TRIM24: variants seen among roughly 807,000 people sequenced by gnomAD.
The protein encoded by TRIM24 is tripartite motif containing 24, also known as transcription intermediary factor 1-alpha.
In TRIM24, 29 loss-of-function variants were observed where a neutral mutation model predicts 123.9. The observed-to-expected ratio is 0.23, with a 90% CI of 0.17 to 0.32. The LOEUF (loss-of-function observed/expected upper bound fraction) is 0.32. TRIM24 is among the 10% of genes least tolerant of loss of function. The pLI, the probability that TRIM24 is intolerant of heterozygous loss-of-function variation, is 1.00. For synonymous variants in TRIM24, 456 were observed against 461.1 expected, an observed-to-expected ratio of 0.99 and a Z score of 0.14; for missense variants, 932 against 1,295.3, an observed-to-expected ratio of 0.72 and a Z score of 4.31.
At chr7:138,582,706 C>T (rs1294434054) in intron 17 of TRIM24, among the ~76,000 whole-genome samples, 2 of 151,824 alleles carry the variant, frequency 1.3e-5, no homozygotes, top group Non-Finnish European at 2.9e-5. Flanking sequence ...GCAACAAGAG[C>T]AAAACTCTGT....
chr7:138,555,081 A>C (rs1338478117), intron 9 of TRIM24, 115 bp downstream of exon 9: 2 of 1,102,520 alleles, frequency 1.8e-6, no homozygotes, highest in Admixed American at 2.6e-5. Context: ...CATTTATAAA[A>C]ATTTATCACA....
At chr7:138,568,859 A>G (rs1315125270) in intron 10 of TRIM24, among the ~76,000 whole-genome samples, 2 of 152,182 alleles carry the variant, frequency 1.3e-5, no homozygotes, top group Non-Finnish European at 2.9e-5. Context: ...TGCAATTTTC[A>G]TAATTCTATA....
intron 2 of TRIM24, among the ~76,000 whole-genome samples, chr7:138,508,704 T>C (rs867211482): frequency 0.018 from 925 of 51,806 alleles, 4 homozygotes; most frequent in African/African-American, 0.035. Context: ...CGCGCGCGTG[T>C]GTGCGTGTGT....
intron 7 of TRIM24, among the ~76,000 whole-genome samples, chr7:138,546,616 G>C (rs537023618): frequency 6.6e-6 from 1 of 152,198 alleles, no homozygotes; most frequent in Non-Finnish European, 1.5e-5. Context: ...GACTAATAAC[G>C]TGTGTAGGAG....
rs182828706 is a variant in TRIM24 at position 138,563,609 on chromosome 7, T to G, written c.1531-3872T>G. On this transcript the variant is annotated intron_variant, in intron 9 of 18. Coordinates refer to ENST00000343526, the MANE Select transcript of TRIM24 (RefSeq NM_015905.3). ...TTGGGTGGCATTCATGCCTGCGAAA[T>G]TTTTTAGCTTTTGCATCTTCCACCT... 9.7e-4 allele frequency among the ~76,000 whole-genome samples: 147 copies of G among 152,326 alleles called. 3 individuals carry two copies. The highest frequency in any genetic ancestry group is 1.2e-3 in the Admixed American group (18 of 15,302).
chr7:138,532,790 A>C (rs1194164490), intron 6 of TRIM24, among the ~76,000 whole-genome samples: 1 of 152,200 alleles, frequency 6.6e-6, no homozygotes, highest in African/African-American at 2.4e-5. Context: ...TTGAATCTAT[A>C]AATTACCTTG....
chr7:138,566,357 A>G (rs891306940), intron 9 of TRIM24, among the ~76,000 whole-genome samples: 1 of 152,034 alleles, frequency 6.6e-6, no homozygotes, highest in Admixed American at 6.5e-5. Flanking sequence ...CTCTACTAAA[A>G]ATACAAAAAT....
intron 11 of TRIM24, among the ~76,000 whole-genome samples, 164 bp downstream of exon 11, chr7:138,571,167 CA>C (rs1463123129): frequency 6.6e-6 from 1 of 151,942 alleles, no homozygotes; most frequent in African/African-American, 2.4e-5. Flanking sequence ...CCGTCTCTAC[CA>C]AAAAATACAA....
At chr7:138,495,603 A>T (rs569208138) in intron 1 of TRIM24, among the ~76,000 whole-genome samples, 12 of 151,784 alleles carry the variant, frequency 7.9e-5, no homozygotes, top group Middle Eastern at 3.4e-3. Context: ...TTAGGATGGT[A>T]TATTTATTTT....
intron 1 of TRIM24, among the ~76,000 whole-genome samples, chr7:138,480,988 G>GTTA (rs762956333): frequency 5.3e-5 from 8 of 151,436 alleles, no homozygotes; most frequent in Non-Finnish European, 8.8e-5. Context: ...TTTTTAAAAA[G>GTTA]TTATTATTAT....
At chr7:138,539,704 A>C (rs1424445430) in intron 7 of TRIM24, among the ~76,000 whole-genome samples, 2 of 152,040 alleles carry the variant, frequency 1.3e-5, no homozygotes. Flanking sequence ...TAAGTTTTCC[A>C]GTGCATATAA....
In TRIM24 at chr7:138,584,694, A is replaced by T. The variant is rs750674919; in HGVS notation, c.2944-48A>T. On this transcript the variant is annotated intron_variant, in intron 18 of 18. Transcript: ENST00000343526. ...GCTCATTAATATATATAATCTCAGA[A>T]GTCAAAAGTGTGTCCTTTTTTTACT... 9.2e-6 allele frequency: 13 copies of T among 1,420,670 alleles called. No individual in the cohort carries two copies. In the South Asian group the frequency reaches 1.8e-4, roughly 19 times the overall value. The allele number at this position is 1,420,670 out of a possible 1,614,324, so 88.0% of individuals were successfully genotyped here. A position where few individuals can be genotyped will look rare whatever the true frequency, so the allele number is the denominator to read the frequency against.
At chr7:138,527,297 AAAT>A (rs980030055) in intron 5 of TRIM24, among the ~76,000 whole-genome samples, 2 of 152,184 alleles carry the variant, frequency 1.3e-5, no homozygotes, top group African/African-American at 2.4e-5. Context: ...TTCTTCTACA[AAAT>A]AATAACATTG....
At chr7:138,503,455 TA>T (rs1449963523) in intron 1 of TRIM24, among the ~76,000 whole-genome samples, 1 of 152,000 alleles carries the variant, frequency 6.6e-6, no homozygotes, top group South Asian at 2.1e-4. Flanking sequence ...GTTGCTATTG[TA>T]AAAAAATTTT....
At chr7:138,578,741 G>A (rs1282221957) in intron 14 of TRIM24, among the ~76,000 whole-genome samples, 1 of 147,374 alleles carries the variant, frequency 6.8e-6, no homozygotes, top group African/African-American at 2.4e-5. Context: ...GTTCTTCCAA[G>A]GAATAAGTGC....
chr7:138,498,880 TG>T (rs1795971959), intron 1 of TRIM24, among the ~76,000 whole-genome samples: 1 of 152,086 alleles, frequency 6.6e-6, no homozygotes, highest in Non-Finnish European at 1.5e-5. Context: ...GTGATCCTCC[TG>T]CCTTGGCCTC....
intron 3 of TRIM24, among the ~76,000 whole-genome samples, chr7:138,517,252 T>C (rs1447537893): frequency 6.6e-6 from 1 of 152,224 alleles, no homozygotes; most frequent in African/African-American, 2.4e-5. Flanking sequence ...TATGTTTATA[T>C]ATTTGTATCT....
intron 6 of TRIM24, among the ~76,000 whole-genome samples, chr7:138,531,981 A>C (rs865929133): frequency 6.6e-6 from 1 of 151,786 alleles, no homozygotes; most frequent in Admixed American, 6.6e-5. Context: ...ATGATGAGCA[A>C]TTTTTCATGT....
In TRIM24 at chr7:138,587,182, G is replaced by A. The variant is rs1405842241; in HGVS notation, c.*2231G>A. Reference sequence around the variant, plus strand: ...AGCCTGGCCAACATTGTGAAACCCCGCCTCTACAAAAAATACAAAAATTAG... The same window carrying A: ...AGCCTGGCCAACATTGTGAAACCCCACCTCTACAAAAAATACAAAAATTAG... On this transcript the variant is annotated 3_prime_UTR_variant, in exon 19 of 19. Transcript: ENST00000343526. 6.6e-6 allele frequency: 1 copy of A among 151,974 alleles called. No individual in the cohort carries two copies. Among genetic ancestry groups the A allele is most frequent in the African/African-American group, 2.4e-5 (1 of 41,366 alleles). 9.4% of individuals were successfully genotyped at this position (151,974 alleles called of 1,614,324 possible).
Sources: gnomAD v4.1 joint callset for allele counts (sites outside exome capture counted in the v4.1 genomes callset) on GRCh38, gnomAD v4.1.1 for gene constraint, MANE v1.5 for transcripts, NCBI Gene and HGNC (gene_info 2026-07-23, HGNC 2026-07-21) for gene names.